C11orf65: variants seen among roughly 807,000 people sequenced by gnomAD.
C11orf65 encodes the protein protein MFI.
In C11orf65, 38 loss-of-function variants were observed where a neutral mutation model predicts 35.3. The observed-to-expected ratio is 1.08, with a 90% CI of 0.83 to 1.41. The LOEUF is 1.41. Ranked by LOEUF, C11orf65 falls within the 40% of genes most tolerant of loss-of-function variation. The pLI, the probability that C11orf65 is intolerant of heterozygous loss-of-function variation, is 0.00. For missense variants in C11orf65, 370 were observed against 367.1 expected (o/e 1.01, Z -0.06); for synonymous variants, 105 against 114.4 (o/e 0.92, Z 0.53).
intron 2 of C11orf65, among the ~76,000 whole-genome samples, chr11:108,433,722 G>A (rs548931892): frequency 2.6e-4 from 40 of 152,084 alleles, no homozygotes; most frequent in African/African-American, 9.1e-4. Context: ...AGTCCTAACA[G>A]GGCTTGTTAG....
chr11:108,339,723 A>T (rs77835135), intron 2 of C11orf65, among the ~76,000 whole-genome samples: 4,439 of 152,242 alleles, frequency 0.029, 209 homozygotes, highest in African/African-American at 0.1. Context: ...TCAACAAAAA[A>T]TAAGGGTTTG....
At chr11:108,359,535 C>A (rs559677001) in intron 2 of C11orf65, among the ~76,000 whole-genome samples, 1 of 152,124 alleles carries the variant, frequency 6.6e-6, no homozygotes, top group South Asian at 2.1e-4. Flanking sequence ...AAATTGACCC[C>A]ATAGTTGGAA....
intron 2 of C11orf65, among the ~76,000 whole-genome samples, chr11:108,362,992 A>C (rs1445219901): frequency 6.6e-6 from 1 of 152,066 alleles, no homozygotes; most frequent in Non-Finnish European, 1.5e-5. Flanking sequence ...CAAACAAACA[A>C]AAAAAACACA....
chr11:108,395,385 T>C (rs2092282527), intron 6 of C11orf65, among the ~76,000 whole-genome samples: 1 of 150,894 alleles, frequency 6.6e-6, no homozygotes, highest in Non-Finnish European at 1.5e-5. Flanking sequence ...AGTGCAGTGA[T>C]GTGATCTCGG....
At chr11:108,432,455 T>C (rs1230920654) in intron 2 of C11orf65, among the ~76,000 whole-genome samples, 1 of 152,200 alleles carries the variant, frequency 6.6e-6, no homozygotes, top group Non-Finnish European at 1.5e-5. Context: ...TCTGTAATGG[T>C]AACAACGACT....
In C11orf65 at chr11:108,373,726, G is replaced by A. The variant is rs533392185; in HGVS notation, c.226+19482C>T. On this transcript the variant is annotated intron_variant, in intron 2 of 3. Coordinates refer to the C11orf65 transcript ENST00000524755. ...GCCAGCCGAAGCAGGGCGTGGCATC[G>A]CATCACACGGGAAGCGCAAGGGGTC... Among the ~76,000 whole-genome samples, 14 of 152,340 alleles carry A rather than the reference G, an allele frequency of 9.2e-5. No individual in the cohort carries two copies. The South Asian group carries it at 2.5e-3, about 27-fold the overall frequency.
In C11orf65 at chr11:108,325,298, C is replaced by G. The variant is rs1057521666; in HGVS notation, c.641-16227G>C. On this transcript the variant is annotated intron_variant, in intron 6 of 6. Coordinates refer to the C11orf65 transcript ENST00000525729. ...TCTCTTGCTTACATGAACTCTATGT[C>G]GTGGCATTCAGATCAGTCACACATA... is the stretch of plus-strand genomic sequence containing the variant. 9.4e-7 allele frequency: 1 copy of G among 1,060,960 alleles called. No homozygotes were observed. 65.7% of individuals were successfully genotyped at this position (1,060,960 alleles called of 1,614,324 possible).
At chr11:108,440,316 T>C (rs1481939190) in intron 2 of C11orf65, among the ~76,000 whole-genome samples, 1 of 152,202 alleles carries the variant, frequency 6.6e-6, no homozygotes, top group Admixed American at 6.5e-5. Context: ...ATTATGCTCA[T>C]AATTATGGGT....
chr11:108,343,845 T>C (rs2087927689), intron 2 of C11orf65, among the ~76,000 whole-genome samples: 1 of 152,170 alleles, frequency 6.6e-6, no homozygotes, highest in Non-Finnish European at 1.5e-5. Context: ...ATGAAACTGA[T>C]ATAGAAAACC....
intron 2 of C11orf65, among the ~76,000 whole-genome samples, chr11:108,442,130 A>T (rs1290561933): frequency 6.6e-6 from 1 of 152,176 alleles, no homozygotes; most frequent in Non-Finnish European, 1.5e-5. Flanking sequence ...GAAGACCTTA[A>T]ATCACTTGAT....
intron 2 of C11orf65, among the ~76,000 whole-genome samples, chr11:108,360,012 G>A (rs527316357): frequency 6.6e-6 from 1 of 151,826 alleles, no homozygotes; most frequent in African/African-American, 2.4e-5. Context: ...CCAGGAGCTG[G>A]TTTTTTGAAA....
chr11:108,445,754 G>A (rs1227203117), intron 2 of C11orf65, among the ~76,000 whole-genome samples: 1 of 152,118 alleles, frequency 6.6e-6, no homozygotes, highest in Non-Finnish European at 1.5e-5. Context: ...CACCAGCAAT[G>A]GAACAAAGCT....
In C11orf65 at chr11:108,401,280, T is replaced by C. The variant is rs568046370; in HGVS notation, c.560+4149A>G. 4.6e-5 allele frequency among the ~76,000 whole-genome samples: 7 copies of C among 151,784 alleles called. No individual in the cohort carries two copies. In the South Asian group the frequency reaches 1.0e-3, roughly 23 times the overall value. ...ACAAACACACAATTCCCTGAACTTT[T>C]AGAAATCCTTTTTCTAATGGAACAG... On this transcript the variant is annotated intron_variant, in intron 6 of 8. Transcript: ENST00000393084.
chr11:108,357,415 G>C (rs227050), intron 2 of C11orf65, among the ~76,000 whole-genome samples: 2 of 151,688 alleles, frequency 1.3e-5, no homozygotes, highest in African/African-American at 4.8e-5. Flanking sequence ...CAAAGCAGCC[G>C]GGAAGCTCGA....
intron 2 of C11orf65, among the ~76,000 whole-genome samples, chr11:108,449,942 G>GA (rs911874018): frequency 1.3e-4 from 19 of 147,874 alleles, no homozygotes; most frequent in Admixed American, 2.0e-4. Context: ...ATTTACAAGA[G>GA]AAAAAAAAAC....
intron 2 of C11orf65, among the ~76,000 whole-genome samples, chr11:108,455,205 TTAC>T (rs750088473): frequency 5.6e-4 from 86 of 152,294 alleles, no homozygotes; most frequent in Admixed American, 2.1e-3. Flanking sequence ...ATGCCCCTGC[TTAC>T]TACTTGTATT....
chr11:108,411,005 G>A (rs1330102485), intron 3 of C11orf65, among the ~76,000 whole-genome samples: 4 of 151,846 alleles, frequency 2.6e-5, no homozygotes, highest in South Asian at 2.1e-4. Context: ...CACCATGCCC[G>A]GCCCCCTTCC....
chr11:108,417,551 A>G (rs544052159), intron 3 of C11orf65, among the ~76,000 whole-genome samples: 1 of 151,942 alleles, frequency 6.6e-6, no homozygotes, highest in East Asian at 1.9e-4. Flanking sequence ...TGTCTCAAAA[A>G]AACAAAAACA....
chr11:108,428,574 C>T (rs1056099079), intron 3 of C11orf65, among the ~76,000 whole-genome samples: 1 of 152,144 alleles, frequency 6.6e-6, no homozygotes, highest in Non-Finnish European at 1.5e-5. Flanking sequence ...GAAAACCAGA[C>T]ACCGCACATT....
Sources: allele counts gnomAD v4.1 joint callset (sites outside exome capture counted in the v4.1 genomes callset), GRCh38; gene constraint gnomAD v4.1.1; transcripts MANE v1.5; gene names NCBI Gene and HGNC (gene_info 2026-07-23, HGNC 2026-07-21).